Variants in FAM83A observed in about 807,000 individuals in gnomAD.
FAM83A encodes the protein protein FAM83A.
A neutral mutation model predicts 24.4 loss-of-function variants in FAM83A; 21 were observed. The observed-to-expected ratio is 0.86, with a 90% CI of 0.61 to 1.24. The LOEUF (loss-of-function observed/expected upper bound fraction) is 1.24, where lower values mean the gene tolerates loss of function less well. Ranked by LOEUF, FAM83A falls within the 50% of genes most tolerant of loss-of-function variation. The pLI, the probability that FAM83A is intolerant of heterozygous loss-of-function variation, is 0.00. For synonymous variants in FAM83A, 270 were observed against 252.4 expected, an observed-to-expected ratio of 1.07 and a Z score of -0.66; for missense variants, 617 against 579.8, an observed-to-expected ratio of 1.06 and a Z score of -0.66.
chr8:123,209,000 G>A, exon 4 of FAM83A: 1 of 988,034 alleles, frequency 1.0e-6, no homozygotes, highest in Non-Finnish European at 1.2e-6. Flanking sequence ...GCATAGAGGA[G>A]GGTTGGCCAG....
exon 4 of FAM83A, chr8:123,208,414 G>C (rs1276034858): frequency 9.1e-6 from 9 of 985,496 alleles, no homozygotes; most frequent in Non-Finnish European, 1.1e-5. Flanking sequence ...GGGCTGGCCT[G>C]GAGGTCCCTG....
At chr8:123,179,954 T>C (rs1823555965), upstream of FAM83A, 1 of 152,162 alleles carries the variant, frequency 6.6e-6, no homozygotes, top group Non-Finnish European at 1.5e-5. Flanking sequence ...GGATCTGTAA[T>C]GCGCTGTGAG....
In FAM83A at chr8:123,209,323, A is replaced by G; in HGVS notation, c.*1635A>G. 2.1e-6 allele frequency: 3 copies of G among 1,421,056 alleles called. No homozygotes were observed. The highest frequency in any genetic ancestry group is 1.7e-5 in the South Asian group (1 of 59,390). 88.0% of individuals were successfully genotyped at this position (1,421,056 alleles called of 1,614,324 possible). A position where few individuals can be genotyped will look rare whatever the true frequency, so the allele number is the denominator to read the frequency against. ...ATCCATCCCTCTGTTCCAATTCTCCACTGCTCCCAGCATGATCTGGGGCAT... is the reference window on the plus strand; with the variant it reads ...ATCCATCCCTCTGTTCCAATTCTCCGCTGCTCCCAGCATGATCTGGGGCAT... On this transcript the variant is annotated 3_prime_UTR_variant, in exon 4 of 4. Coordinates refer to ENST00000690554, the Ensembl canonical transcript of FAM83A. The surrounding 1 kb of genome is among the most constrained non-coding windows in gnomAD (Gnocchi z 4.7).
At position 123,207,909 on chromosome 8, in the gene FAM83A, A is replaced by G; in HGVS notation, c.*221A>G. On this transcript the variant is annotated 3_prime_UTR_variant, in exon 4 of 4. Coordinates refer to ENST00000690554, the Ensembl canonical transcript of FAM83A. ...GTTTGACCTGTGCAGCACATTCCAG[A>G]AGGTTCCAGGGAGGTTGTGGGGCAG... The G allele has an allele frequency of 2.4e-6, 3 of 1,272,846 alleles. No individual in the cohort carries two copies. In the East Asian group the frequency reaches 9.3e-5, roughly 39 times the overall value. 78.8% of individuals were successfully genotyped at this position (1,272,846 alleles called of 1,614,324 possible).
At chr8:123,193,189 T>C (rs114754253) in intron 2 of FAM83A, among the ~76,000 whole-genome samples, 1,526 of 152,228 alleles carry the variant, frequency 0.01, 29 homozygotes, top group African/African-American at 0.034. Flanking sequence ...CATGGTAGGG[T>C]TGCAGACTCA....
At chr8:123,194,288 T>G in intron 3 of FAM83A, 140 bp downstream of exon 3, 2 of 1,231,518 alleles carry the variant, frequency 1.6e-6, no homozygotes, top group Non-Finnish European at 2.2e-6. Context: ...TGGAGCTGCA[T>G]CACATAGATG....
upstream of FAM83A, chr8:123,182,628 G>A (rs1406137364): frequency 4.1e-6 from 3 of 729,002 alleles, no homozygotes; most frequent in African/African-American, 5.2e-5. Flanking sequence ...CAGGGCAGGT[G>A]GCCCTGAGAG....
intron 1 of FAM83A, among the ~76,000 whole-genome samples, chr8:123,188,939 G>C (rs774581382): frequency 6.6e-6 from 1 of 152,176 alleles, no homozygotes; most frequent in Non-Finnish European, 1.5e-5. Context: ...CAAGATGCTG[G>C]GTTATTTCCA....
chr8:123,205,491 G>A (rs1824518899), intron 3 of FAM83A, among the ~76,000 whole-genome samples: 1 of 152,202 alleles, frequency 6.6e-6, no homozygotes, highest in Admixed American at 6.5e-5. Context: ...AAGCCTCATT[G>A]CTGTTCCCAG....
At chr8:123,203,401 A>C (rs1301280654) in intron 3 of FAM83A, among the ~76,000 whole-genome samples, 1 of 152,006 alleles carries the variant, frequency 6.6e-6, no homozygotes, top group East Asian at 1.9e-4. Context: ...CAGCCTGGCC[A>C]ACATGGTAAA....
chr8:123,192,519 C>T (rs767035782), intron 2 of FAM83A, among the ~76,000 whole-genome samples: 5 of 152,152 alleles, frequency 3.3e-5, no homozygotes, highest in African/African-American at 4.8e-5. Context: ...AGAAACCCAG[C>T]GATAAGGGTT....
At chr8:123,205,270 C>T (rs774940271) in intron 3 of FAM83A, among the ~76,000 whole-genome samples, 3 of 152,138 alleles carry the variant, frequency 2.0e-5, no homozygotes, top group Non-Finnish European at 2.9e-5. Flanking sequence ...GTTCTTTGGA[C>T]TTGTTCTTGT....
chr8:123,183,496 A>T (rs991742566), intron 1 of FAM83A, among the ~76,000 whole-genome samples, 160 bp downstream of exon 1: 11 of 151,380 alleles, frequency 7.3e-5, no homozygotes, highest in Admixed American at 2.6e-4. Context: ...TGGACCACTG[A>T]CCTCCTGATC....
intron 3 of FAM83A, among the ~76,000 whole-genome samples, chr8:123,199,642 G>A (rs142106193): frequency 0.049 from 7,404 of 151,570 alleles, 259 homozygotes; most frequent in Middle Eastern, 0.082. Context: ...GCTGAGGCAG[G>A]AGAATAGCTT....
At chr8:123,191,881 G>T in exon 2 of FAM83A, 1 of 1,614,198 alleles carries the variant, frequency 6.2e-7, no homozygotes, top group Non-Finnish European at 8.5e-7. Context: ...CAAGCGTGGG[G>T]TGTTCGTTTG....
rs1182442080 is a variant in FAM83A, at chr8:123,200,964, A to AT, written c.774-6193_774-6192insT. On this transcript the variant is annotated intron_variant, in intron 3 of 3. Transcript: ENST00000690554. ...CTGTCTCAAACAAATAAACAAAAAAAAAAAATATATATATATATATACACA... is the reference window on the plus strand; with the variant it reads ...CTGTCTCAAACAAATAAACAAAAAAATAAAAATATATATATATATATACACA... 2.6e-3 allele frequency among the ~76,000 whole-genome samples: 381 copies of AT among 146,210 alleles called. 1 individual carries two copies. The highest frequency in any genetic ancestry group is 6.6e-3 in the African/African-American group (254 of 38,666).
At chr8:123,194,994 G>A (rs1055637527) in intron 3 of FAM83A, among the ~76,000 whole-genome samples, 8 of 152,246 alleles carry the variant, frequency 5.3e-5, no homozygotes, top group Admixed American at 1.3e-4. Flanking sequence ...TGACTTCAGA[G>A]CTTAAAAGAT....
At chr8:123,185,602 T>C (rs1322365207) in intron 1 of FAM83A, among the ~76,000 whole-genome samples, 1 of 152,240 alleles carries the variant, frequency 6.6e-6, no homozygotes, top group Non-Finnish European at 1.5e-5. Flanking sequence ...TGGGCTCTGC[T>C]GGCATGGAGT....
intron 1 of FAM83A, among the ~76,000 whole-genome samples, chr8:123,187,787 C>T (rs114849048): frequency 0.01 from 1,525 of 152,150 alleles, 29 homozygotes; most frequent in African/African-American, 0.034. Flanking sequence ...GAAGTGGGGA[C>T]GAGGCAGGAT....
Sources: allele counts gnomAD v4.1 joint callset (sites outside exome capture counted in the v4.1 genomes callset), GRCh38; gene constraint gnomAD v4.1.1; non-coding constraint Gnocchi (gnomAD v3.1); transcripts MANE v1.5; gene names NCBI Gene and HGNC (gene_info 2026-07-23, HGNC 2026-07-21).